Variants in TBC1D19 observed in about 807,000 individuals in gnomAD.
The protein encoded by TBC1D19 is TBC1 domain family member 19, also known as TBC1 domain family, member 19.
Under a neutral mutation model 89.0 loss-of-function variants are expected in TBC1D19, and 60 were observed. That is an observed-to-expected ratio of 0.67 (90% CI 0.55 to 0.84). The LOEUF (loss-of-function observed/expected upper bound fraction) is 0.84. Ranked by LOEUF, TBC1D19 falls within the 40% of genes least tolerant of loss-of-function variation. The pLI is 0.00. For missense variants in TBC1D19, 500 were observed against 610.8 expected (o/e 0.82, Z 1.91); for synonymous variants, 189 against 199.7 (o/e 0.95, Z 0.45).
chr4:26,656,451 T>C (rs1744814508), intron 7 of TBC1D19, among the ~76,000 whole-genome samples: 1 of 152,248 alleles, frequency 6.6e-6, no homozygotes, highest in Non-Finnish European at 1.5e-5. Flanking sequence ...TATTTCTTTA[T>C]GATCCTAGCA....
chr4:26,662,282 TA>T (rs1450468838), intron 8 of TBC1D19, among the ~76,000 whole-genome samples: 1 of 152,108 alleles, frequency 6.6e-6, no homozygotes, highest in Non-Finnish European at 1.5e-5. Context: ...AGAATTTCAT[TA>T]ATGCAAGAAA....
intron 4 of TBC1D19, among the ~76,000 whole-genome samples, chr4:26,635,088 G>A (rs1196094230): frequency 6.6e-6 from 1 of 151,938 alleles, no homozygotes; most frequent in Non-Finnish European, 1.5e-5. Context: ...CTAGCAATTT[G>A]GTTCCTTATA....
rs369719686 is a variant in TBC1D19, at chr4:26,748,569, A to G, written c.1435+43A>G. On this transcript the variant is annotated intron_variant, in intron 19 of 20. Transcript: ENST00000264866. ...TTTGTAGAACACATGCTGTTTCTAT[A>G]ATAAGTCCCCTTTTCTTCCTAACAT... 30 of 1,384,998 alleles carry G rather than the reference A, an allele frequency of 2.2e-5. No individual in the cohort carries two copies. In the African/African-American group the frequency reaches 3.0e-4, roughly 14 times the overall value. The allele number at this position is 1,384,998 out of a possible 1,614,324, so 85.8% of individuals were successfully genotyped here. A position where few individuals can be genotyped will look rare whatever the true frequency, so the allele number is the denominator to read the frequency against.
Position 26,754,896 on chromosome 4 carries a change from T to C in TBC1D19, c.1530T>C (p.Thr510=). 2 of 1,604,662 alleles carry C rather than the reference T, an allele frequency of 1.2e-6. No homozygotes were observed. The highest frequency in any genetic ancestry group is 2.2e-5 in the South Asian group (2 of 90,036). Residue 510 remains threonine (T), a synonymous_variant, in exon 21 of 21, where the codon ACT becomes ACC. Transcript: ENST00000264866. ...AGGCAGTTCTTGCTGACCTTTCTACTTTAAAAGTTATGCCTCTTCTTCAGA... is the reference window on the plus strand; with the variant it reads ...AGGCAGTTCTTGCTGACCTTTCTACCTTAAAAGTTATGCCTCTTCTTCAGA... ...AAEAVLADLS[T]LKVMPLLQIF...
At chr4:26,790,839 A>G in the TBC1D19 span, among the ~76,000 whole-genome samples, 6 of 152,214 alleles carry the variant, frequency 3.9e-5, no homozygotes, top group Admixed American at 6.5e-5. Context: ...TTTCAGCCAA[A>G]TGGAGTTTTA....
At chr4:26,578,897 G>A (rs972537383) in intron 1 of TBC1D19, among the ~76,000 whole-genome samples, 3 of 152,156 alleles carry the variant, frequency 2.0e-5, no homozygotes, top group Non-Finnish European at 4.4e-5. Context: ...GGCCTTAGTT[G>A]AAAGCAATTT....
At chr4:26,742,672 C>T in intron 18 of TBC1D19, 73 bp downstream of exon 18, 1 of 1,086,552 alleles carries the variant, frequency 9.2e-7, no homozygotes, top group Non-Finnish European at 1.3e-6. Context: ...TTGCAGAGCA[C>T]TTGCAAATAC....
the TBC1D19 span, among the ~76,000 whole-genome samples, chr4:26,780,644 G>A: frequency 3.9e-5 from 6 of 152,226 alleles, no homozygotes; most frequent in African/African-American, 9.7e-5. Flanking sequence ...CAGCCCTTGC[G>A]ACAGGCTTCT....
chr4:26,857,300 T>C, the TBC1D19 span, among the ~76,000 whole-genome samples: 69,543 of 152,060 alleles, frequency 0.46, 16,366 homozygotes, highest in Middle Eastern at 0.67. Context: ...ACTCGATACC[T>C]AACAGCGTTT....
At chr4:26,605,308 G>T (rs1740921578) in intron 1 of TBC1D19, among the ~76,000 whole-genome samples, 1 of 147,004 alleles carries the variant, frequency 6.8e-6, no homozygotes, top group Non-Finnish European at 1.5e-5. Context: ...GCGGTGTTTG[G>T]TTTTTTGTCC....
intron 3 of TBC1D19, among the ~76,000 whole-genome samples, chr4:26,617,246 C>T (rs1415167205): frequency 6.6e-6 from 1 of 152,186 alleles, no homozygotes. Context: ...ATCCCACCCA[C>T]GTAGGTGAAG....
chr4:26,809,580 A>G, the TBC1D19 span, among the ~76,000 whole-genome samples: 1 of 152,278 alleles, frequency 6.6e-6, no homozygotes, highest in East Asian at 1.9e-4. Context: ...TACTTAGGGT[A>G]GTAGGGAAGT....
chr4:26,774,293 A>C, the TBC1D19 span, among the ~76,000 whole-genome samples: 1 of 152,260 alleles, frequency 6.6e-6, no homozygotes, highest in Admixed American at 6.5e-5. Flanking sequence ...TTTTGCCTTA[A>C]TCAGCTATGC....
At chr4:26,580,828 G>A (rs1382376076), upstream of TBC1D19, among the ~76,000 whole-genome samples, 1 of 152,176 alleles carries the variant, frequency 6.6e-6, no homozygotes, top group Non-Finnish European at 1.5e-5. Flanking sequence ...CTGGCAGGTT[G>A]TTTTTAATGC....
At chr4:26,673,471 A>ACACACACACG (rs1228874475) in intron 10 of TBC1D19, among the ~76,000 whole-genome samples, 7 of 149,274 alleles carry the variant, frequency 4.7e-5, no homozygotes, top group Non-Finnish European at 1.0e-4. Flanking sequence ...ACACACACAC[A>ACACACACACG]CACAATACTA....
intron 7 of TBC1D19, among the ~76,000 whole-genome samples, chr4:26,649,597 A>G (rs933956511): frequency 2.0e-5 from 3 of 152,212 alleles, no homozygotes; most frequent in South Asian, 4.1e-4. Flanking sequence ...GACATTTCAT[A>G]GAAATGAAAT....
intron 1 of TBC1D19, among the ~76,000 whole-genome samples, chr4:26,609,063 A>AG (rs1413844412): frequency 9.4e-5 from 2 of 21,254 alleles, no homozygotes; most frequent in African/African-American, 4.0e-4. Context: ...GGGTGGGGGG[A>AG]GGGGGGAGGG....
rs149331276 is a variant in TBC1D19 at position 26,630,929 on chromosome 4, G to A, written c.295-6282G>A. ...TTGAGGAAACCTAAAGGATGGCCAAGCTTGAAAGCAGCTGCTTGCTTCTTC... is the reference window on the plus strand; with the variant it reads ...TTGAGGAAACCTAAAGGATGGCCAAACTTGAAAGCAGCTGCTTGCTTCTTC... On this transcript the variant is annotated intron_variant, in intron 4 of 20. Coordinates refer to ENST00000264866, the MANE Select transcript of TBC1D19 (RefSeq NM_018317.4). Among the ~76,000 whole-genome samples, 588 of 152,106 alleles carry A rather than the reference G, an allele frequency of 3.9e-3. 6 individuals are homozygous for A. The highest frequency in any genetic ancestry group is 0.013 in the African/African-American group (547 of 41,524).
At chr4:26,697,392 T>G (rs1714896639) in intron 13 of TBC1D19, among the ~76,000 whole-genome samples, 1 of 151,888 alleles carries the variant, frequency 6.6e-6, no homozygotes, top group Non-Finnish European at 1.5e-5. Flanking sequence ...CCAAAAGAAG[T>G]CCAGGACCAG....
Sources: gnomAD v4.1 joint callset for allele counts (sites outside exome capture counted in the v4.1 genomes callset) on GRCh38, gnomAD v4.1.1 for gene constraint, MANE v1.5 for transcripts, NCBI Gene and HGNC (gene_info 2026-07-23, HGNC 2026-07-21) for gene names.